CSMD1: variants seen among roughly 807,000 people sequenced by gnomAD.
The protein encoded by CSMD1 is CUB and Sushi multiple domains 1.
In CSMD1, 213 loss-of-function variants were observed where a neutral mutation model predicts 417.5. The observed-to-expected ratio is 0.51, with a 90% CI of 0.46 to 0.57. The LOEUF is 0.57. Among genes scored for constraint, CSMD1 ranks in the 20% least tolerant of loss-of-function variants. The pLI is 0.00. For synonymous variants in CSMD1, 2,862 were observed against 1,736.8 expected, an observed-to-expected ratio of 1.65 and a Z score of -16.11; for missense variants, 6,923 against 4,529.7, an observed-to-expected ratio of 1.53 and a Z score of -15.17.
chr8:3,708,481 C>T lies in CSMD1; in HGVS notation c.942G>A (p.Ala314=), dbSNP rs779138993. The T allele has an allele frequency of 9.3e-6, 15 of 1,613,764 alleles. No homozygotes were observed. The highest frequency in any genetic ancestry group is 3.3e-5 in the South Asian group (3 of 91,080). Residue 314 remains alanine (A), a synonymous_variant, in exon 7 of 70, where the codon GCG becomes GCA. Coordinates refer to ENST00000635120, the MANE Select transcript of CSMD1 (RefSeq NM_033225.6). ...TGACTCCTCTTGACTTCAACTCAAT[C>T]GCCTTTTTCACTGGAAGAAACAAAA... is the stretch of plus-strand genomic sequence containing the variant. ...GFNAQFQVKK[A]IELKSRGVKM... is the part of the protein sequence containing the mutation.
At chr8:3,399,611 C>A in intron 15 of CSMD1, 82 bp from the exon 16 acceptor site, 1 of 1,079,842 alleles carries the variant, frequency 9.3e-7, no homozygotes, top group South Asian at 2.1e-5. Flanking sequence ...AAGCCAGAAT[C>A]TGCTTCTGTG....
chr8:4,092,811 A>AT (rs1196359180), intron 3 of CSMD1, among the ~76,000 whole-genome samples: 1 of 152,118 alleles, frequency 6.6e-6, no homozygotes, highest in Non-Finnish European at 1.5e-5. Context: ...ATAGACCAAT[A>AT]TTTTTAATTT....
At chr8:3,562,496 A>G (rs978562788) in intron 10 of CSMD1, among the ~76,000 whole-genome samples, 12 of 152,188 alleles carry the variant, frequency 7.9e-5, no homozygotes, top group African/African-American at 2.9e-4. Context: ...TTGAACACAG[A>G]TGAGTGCCAC....
intron 5 of CSMD1, among the ~76,000 whole-genome samples, chr8:3,763,602 A>ATG (rs1563055115): frequency 6.6e-6 from 1 of 152,100 alleles, no homozygotes; most frequent in Admixed American, 6.5e-5. Flanking sequence ...ATTCTGAGCC[A>ATG]AATAAACCTC....
intron 3 of CSMD1, among the ~76,000 whole-genome samples, chr8:4,342,179 A>G (rs1440924077): frequency 1.3e-5 from 2 of 151,598 alleles, no homozygotes; most frequent in African/African-American, 4.8e-5. Context: ...TACTTCCCTT[A>G]TGCAAACTTG....
intron 2 of CSMD1, among the ~76,000 whole-genome samples, chr8:4,437,941 C>G (rs926034260): frequency 4.6e-5 from 7 of 152,148 alleles, no homozygotes; most frequent in Non-Finnish European, 2.9e-5. Context: ...TAAAGTAATT[C>G]TCTAAGTGTT....
chr8:3,879,891 C>A (rs1343977948), intron 5 of CSMD1, among the ~76,000 whole-genome samples: 1 of 151,876 alleles, frequency 6.6e-6, no homozygotes, highest in Non-Finnish European at 1.5e-5. Context: ...ATGTTGTATT[C>A]ACGTTTTTAT....
At chr8:3,435,728 C>A (rs190252895) in intron 12 of CSMD1, among the ~76,000 whole-genome samples, 1 of 152,308 alleles carries the variant, frequency 6.6e-6, no homozygotes. Context: ...ACACCCTACA[C>A]GTCACTCAAT....
At chr8:3,873,578 G>A (rs1308152449) in intron 5 of CSMD1, among the ~76,000 whole-genome samples, 1 of 152,128 alleles carries the variant, frequency 6.6e-6, no homozygotes, top group South Asian at 2.1e-4. Flanking sequence ...AGGAGGGAGA[G>A]CATCAGCAAA....
chr8:3,497,884 A>G (rs1796432652), intron 10 of CSMD1, among the ~76,000 whole-genome samples: 1 of 152,162 alleles, frequency 6.6e-6, no homozygotes, highest in Admixed American at 6.5e-5. Flanking sequence ...TGTCTGCTCT[A>G]CCAGTGAATA....
At position 4,007,303 on chromosome 8, in the gene CSMD1, C is replaced by A. The variant is rs1234443680; in HGVS notation, c.611-9193G>T. Among the ~76,000 whole-genome samples the A allele has an allele frequency of 3.3e-5, 5 of 152,172 alleles. No homozygotes were observed. In the South Asian group the frequency reaches 6.2e-4, roughly 19 times the overall value. The stretch of plus-strand genomic sequence containing the variant: ...GGCATTATGTGAGCTGGAATGTTGG[C>A]TTCTTCTGTTCCTCATCCTCCACCT... On this transcript the variant is annotated intron_variant, in intron 4 of 69. Transcript: ENST00000635120.
chr8:3,633,329 G>C (rs952511368), intron 7 of CSMD1, among the ~76,000 whole-genome samples: 2 of 152,188 alleles, frequency 1.3e-5, no homozygotes, highest in Non-Finnish European at 2.9e-5. Flanking sequence ...ATAAGACTCA[G>C]AGGTGCACTG....
At chr8:3,616,474 C>T (rs1802144252) in intron 8 of CSMD1, among the ~76,000 whole-genome samples, 1 of 152,170 alleles carries the variant, frequency 6.6e-6, no homozygotes, top group Admixed American at 6.5e-5. Flanking sequence ...AAATTACCCA[C>T]TCTCTGGTAT....
chr8:3,898,278 C>G (rs952419444), intron 5 of CSMD1, among the ~76,000 whole-genome samples: 1 of 151,422 alleles, frequency 6.6e-6, no homozygotes, highest in African/African-American at 2.4e-5. Flanking sequence ...TGAATACAAC[C>G]AAAAAAAACC....
intron 5 of CSMD1, among the ~76,000 whole-genome samples, chr8:3,939,468 T>G (rs973642409): frequency 4.6e-5 from 7 of 152,256 alleles, no homozygotes; most frequent in Admixed American, 3.9e-4. Flanking sequence ...CTTAAAGAAC[T>G]AAAAGTAGAA....
intron 3 of CSMD1, among the ~76,000 whole-genome samples, chr8:4,372,024 T>C (rs976048471): frequency 1.3e-5 from 2 of 151,428 alleles, no homozygotes; most frequent in African/African-American, 4.8e-5. Context: ...CAGCACGATA[T>C]AGCTACAGGT....
intron 3 of CSMD1, among the ~76,000 whole-genome samples, chr8:4,114,165 G>C (rs1053773229): frequency 3.3e-5 from 5 of 152,154 alleles, no homozygotes; most frequent in Non-Finnish European, 7.3e-5. Context: ...AAACTTCAAA[G>C]GACAGCCTGA....
intron 11 of CSMD1, among the ~76,000 whole-genome samples, chr8:3,475,471 G>A (rs1451310331): frequency 1.3e-5 from 2 of 152,142 alleles, no homozygotes; most frequent in Non-Finnish European, 2.9e-5. Flanking sequence ...GTTATGTTAG[G>A]CAGCATACCA....
chr8:3,467,768 G>C (rs1816865159), intron 12 of CSMD1, among the ~76,000 whole-genome samples: 1 of 152,134 alleles, frequency 6.6e-6, no homozygotes, highest in Non-Finnish European at 1.5e-5. Context: ...CCCTTACCAT[G>C]CTTGTTGATT....
Sources: allele counts gnomAD v4.1 joint callset (sites outside exome capture counted in the v4.1 genomes callset), GRCh38; gene constraint gnomAD v4.1.1; transcripts MANE v1.5; gene names NCBI Gene and HGNC (gene_info 2026-07-23, HGNC 2026-07-21).